DOCK8: variants seen among roughly 807,000 people sequenced by gnomAD.
The protein encoded by DOCK8 is dedicator of cytokinesis protein 8.
DOCK8 carries 141 observed loss-of-function variants against 245.6 expected under a neutral mutation model. That is an observed-to-expected ratio of 0.57 (90% CI 0.50 to 0.66). The LOEUF (loss-of-function observed/expected upper bound fraction) is 0.66, where lower values mean the gene tolerates loss of function less well. DOCK8 is among the 30% of genes least tolerant of loss of function. The pLI is 0.00. For missense variants in DOCK8, 2,965 were observed against 2,603.4 expected, an observed-to-expected ratio of 1.14 and a Z score of -3.02; for synonymous variants, 1,168 against 970.2, an observed-to-expected ratio of 1.20 and a Z score of -3.79.
chr9:416,971 A>G (rs983844980), intron 29 of DOCK8, among the ~76,000 whole-genome samples: 1 of 152,222 alleles, frequency 6.6e-6, no homozygotes, highest in Non-Finnish European at 1.5e-5. Flanking sequence ...ATTTGTTTAA[A>G]ATCCCAATGG....
At chr9:255,527 G>T (rs1380750274) in intron 1 of DOCK8, among the ~76,000 whole-genome samples, 1 of 151,918 alleles carries the variant, frequency 6.6e-6, no homozygotes, top group Non-Finnish European at 1.5e-5. Context: ...AATTAGCCAG[G>T]CGTGGTGGCA....
At chr9:253,605 A>G (rs1385788593) in intron 1 of DOCK8, among the ~76,000 whole-genome samples, 2 of 152,234 alleles carry the variant, frequency 1.3e-5, no homozygotes, top group African/African-American at 2.4e-5. Context: ...TTATGCTAAT[A>G]TAAGAGACTA....
chr9:245,608 T>G (rs1425520266), intron 1 of DOCK8, among the ~76,000 whole-genome samples: 1 of 151,974 alleles, frequency 6.6e-6, no homozygotes, highest in East Asian at 1.9e-4. Flanking sequence ...AATTGAAGGG[T>G]TCTCTCAATA....
chr9:221,073 C>A (rs1268139164), intron 1 of DOCK8, among the ~76,000 whole-genome samples: 2 of 152,078 alleles, frequency 1.3e-5, no homozygotes, highest in East Asian at 3.8e-4. Context: ...GTATCGACAA[C>A]AGTGGGGGTA....
chr9:365,728 T>A (rs568148867), intron 14 of DOCK8: 1 of 435,538 alleles, frequency 2.3e-6, no homozygotes, highest in African/African-American at 2.1e-5. Flanking sequence ...GATTCAAATC[T>A]CAGCTCTCTG....
intron 1 of DOCK8, among the ~76,000 whole-genome samples, chr9:220,137 T>A (rs992289619): frequency 5.9e-5 from 9 of 152,180 alleles, no homozygotes; most frequent in African/African-American, 1.7e-4. Context: ...GTCTGATGTG[T>A]TCTAGACCAA....
chr9:235,136 G>T (rs1306910304), intron 1 of DOCK8, among the ~76,000 whole-genome samples: 9 of 152,184 alleles, frequency 5.9e-5, no homozygotes, highest in Non-Finnish European at 1.2e-4. Flanking sequence ...TCAGCTGCAG[G>T]TCTGTTGGAG....
intron 1 of DOCK8, among the ~76,000 whole-genome samples, chr9:236,414 T>C (rs1232168929): frequency 2.0e-5 from 3 of 152,208 alleles, no homozygotes; most frequent in Non-Finnish European, 4.4e-5. Context: ...CCCAGCACAT[T>C]GTCACCCCCA....
At chr9:212,811 GA>G (rs542876383), upstream of DOCK8, 179 of 152,288 alleles carry the variant, frequency 1.2e-3, 1 homozygote, top group African/African-American at 4.0e-3. Context: ...TGCAAATGCT[GA>G]AAATCTGAGA....
rs756971694 is a variant in DOCK8 at position 214,993 on chromosome 9, G to A, written c.17G>A (p.Ser6Asn). The A allele has an allele frequency of 1.9e-6, 3 of 1,597,784 alleles. No individual in the cohort carries two copies. The highest frequency in any genetic ancestry group is 2.7e-5 in the African/African-American group (2 of 73,186). Residue 6 changes from serine to asparagine, a missense_variant, in exon 1 of 48, where the codon AGC becomes AAC. Ser to Asn is a conservative substitution (Grantham distance 46, BLOSUM62 1). Around this residue, in one of 3 missense-constraint regions of DOCK8, gnomAD observed 2,825 missense variants for 2,453.5 expected, o/e 1.15. Transcript: ENST00000432829. MATLPSAERRAFALKI... is the reference protein window; with the variant it reads MATLPNAERRAFALKI... ...CGGCGGGCCATGGCCACTCTGCCGA[G>A]CGCAGAGCGCCGCGCGTTCGCGCTC... is the stretch of plus-strand genomic sequence containing the variant.
intron 14 of DOCK8, chr9:365,740 C>G: frequency 2.3e-6 from 1 of 430,224 alleles, no homozygotes; most frequent in Non-Finnish European, 4.6e-6. Context: ...AGCTCTCTGC[C>G]TCCAGAGAGA....
At chr9:343,220 C>CCAGA (rs1405777659) in intron 14 of DOCK8, among the ~76,000 whole-genome samples, 2 of 152,100 alleles carry the variant, frequency 1.3e-5, no homozygotes, top group African/African-American at 4.8e-5. Context: ...AGCGAGGTGG[C>CCAGA]CAGACACAGT....
At chr9:456,251 AG>A (rs1235022291) in intron 46 of DOCK8, 11 of 152,380 alleles carry the variant, frequency 7.2e-5, no homozygotes, top group African/African-American at 2.6e-4. Flanking sequence ...TTGCTTCTCA[AG>A]TCCAATCTGG....
At chr9:285,340 T>A (rs1363476217) in intron 2 of DOCK8, among the ~76,000 whole-genome samples, 1 of 152,180 alleles carries the variant, frequency 6.6e-6, no homozygotes, top group Admixed American at 6.5e-5. Context: ...GATGAAAAAC[T>A]GGTTTCGTTA....
At chr9:418,285 G>T (rs990933466) in intron 30 of DOCK8, 78 bp downstream of exon 30, 1 of 1,583,924 alleles carries the variant, frequency 6.3e-7, no homozygotes, top group Admixed American at 1.7e-5. Context: ...TTGTTTGTTT[G>T]TTTTGAGACA....
chr9:376,166 A>G (rs922595605), intron 18 of DOCK8, 44 bp from the exon 19 acceptor site: 11 of 1,381,948 alleles, frequency 8.0e-6, no homozygotes, highest in Non-Finnish European at 1.1e-5. Context: ...GTAATCAGAA[A>G]AGGGAATTGG....
chr9:277,018 A>T, intron 2 of DOCK8: 1 of 318,190 alleles, frequency 3.1e-6, no homozygotes, highest in South Asian at 2.2e-5. Flanking sequence ...CATGTTGTCC[A>T]GGCTGGTCTT....
chr9:224,650 C>G (rs2884956), intron 1 of DOCK8, among the ~76,000 whole-genome samples: 11 of 152,202 alleles, frequency 7.2e-5, no homozygotes, highest in African/African-American at 2.7e-4. Context: ...TGAGTTCTCT[C>G]TACTCAGCTT....
At chr9:371,988 A>G (rs926166398) in intron 17 of DOCK8, among the ~76,000 whole-genome samples, 197 bp from the exon 18 acceptor site, 5 of 152,234 alleles carry the variant, frequency 3.3e-5, no homozygotes, top group Non-Finnish European at 1.5e-5. Context: ...TCCAAAAGCA[A>G]TAAATCATCA....
Sources: allele counts gnomAD v4.1 joint callset (sites outside exome capture counted in the v4.1 genomes callset), GRCh38; gene constraint gnomAD v4.1.1; regional missense constraint gnomAD v4.1.1; transcripts MANE v1.5; gene names NCBI Gene and HGNC (gene_info 2026-07-23, HGNC 2026-07-21).